Variants in KCNIP4 observed in about 807,000 individuals in gnomAD.
KCNIP4 encodes the protein Kv channel-interacting protein 4.
In KCNIP4, 12 loss-of-function variants were observed where a neutral mutation model predicts 34.0. That is an observed-to-expected ratio of 0.35 (90% confidence interval 0.23 to 0.57). The LOEUF (loss-of-function observed/expected upper bound fraction) is 0.57, where lower values mean the gene tolerates loss of function less well. Ranked by LOEUF, KCNIP4 falls within the 20% of genes least tolerant of loss-of-function variation. KCNIP4 has a pLI of 0.83. For missense variants in KCNIP4, 238 were observed against 311.7 expected (o/e 0.76, Z 1.78); for synonymous variants, 124 against 102.2 (o/e 1.21, Z -1.29).
chr4:21,709,182 A>T (rs1013276758), intron 1 of KCNIP4, among the ~76,000 whole-genome samples: 2 of 152,186 alleles, frequency 1.3e-5, no homozygotes, highest in Non-Finnish European at 2.9e-5. Flanking sequence ...CAACAGCATA[A>T]TAAAAAAAGA....
chr4:21,228,041 C>T (rs1758531937), intron 1 of KCNIP4, among the ~76,000 whole-genome samples: 1 of 152,112 alleles, frequency 6.6e-6, no homozygotes, highest in Non-Finnish European at 1.5e-5. Context: ...GCTGCGATTG[C>T]TTCTAAATGC....
intron 3 of KCNIP4, among the ~76,000 whole-genome samples, chr4:20,833,374 A>G (rs1054688478): frequency 1.3e-5 from 2 of 152,112 alleles, no homozygotes; most frequent in Non-Finnish European, 2.9e-5. Context: ...AGTCCCAGCT[A>G]CTCAGGAGGC....
In KCNIP4 at chr4:21,204,418, C is replaced by T. The variant is rs535206762; in HGVS notation, c.62-321709G>A. Among the ~76,000 whole-genome samples, 10 of 152,182 alleles carry T rather than the reference C, an allele frequency of 6.6e-5. No homozygotes were observed. In the East Asian group the frequency reaches 1.9e-3, roughly 29 times the overall value. ...AAAAAGCTGTAGTTTTTTTGTAGGT[C>T]AAAGGGGCTCTGTAAATCGTAAAGT... On this transcript the variant is annotated intron_variant, in intron 1 of 8. Coordinates refer to ENST00000382152, the MANE Select transcript of KCNIP4 (RefSeq NM_025221.6).
At chr4:21,043,458 T>A (rs1432780874) in intron 1 of KCNIP4, among the ~76,000 whole-genome samples, 1 of 152,084 alleles carries the variant, frequency 6.6e-6, no homozygotes, top group Admixed American at 6.5e-5. Flanking sequence ...GCCTCCCTAG[T>A]AGCTGGGACT....
chr4:21,272,040 A>T (rs1400368796), intron 1 of KCNIP4, among the ~76,000 whole-genome samples: 1 of 152,180 alleles, frequency 6.6e-6, no homozygotes, highest in Non-Finnish European at 1.5e-5. Flanking sequence ...GTCAAGTAGC[A>T]TTTTTATTTG....
intron 1 of KCNIP4, among the ~76,000 whole-genome samples, chr4:21,276,993 T>C (rs767224413): frequency 6.6e-6 from 1 of 152,198 alleles, no homozygotes; most frequent in Admixed American, 6.5e-5. Context: ...ATAAAAGCCA[T>C]ATGCTAAGCA....
At chr4:21,928,127 T>TATAC (rs141651426) in intron 1 of KCNIP4, among the ~76,000 whole-genome samples, 6 of 143,976 alleles carry the variant, frequency 4.2e-5, no homozygotes, top group African/African-American at 1.3e-4. Context: ...TATATATATA[T>TATAC]ACACACACAC....
chr4:20,756,128 T>G (rs1353344167), intron 4 of KCNIP4, among the ~76,000 whole-genome samples: 1 of 151,952 alleles, frequency 6.6e-6, no homozygotes, highest in Non-Finnish European at 1.5e-5. Flanking sequence ...CTACTGTGTT[T>G]ATTTTGGCAG....
chr4:21,908,810 C>T (rs1311414828), intron 1 of KCNIP4, among the ~76,000 whole-genome samples: 1 of 152,146 alleles, frequency 6.6e-6, no homozygotes, highest in East Asian at 1.9e-4. Flanking sequence ...AACTACTGAA[C>T]TACCCTTCAA....
chr4:20,935,925 T>C (rs1731012059), intron 1 of KCNIP4, among the ~76,000 whole-genome samples: 1 of 152,212 alleles, frequency 6.6e-6, no homozygotes, highest in South Asian at 2.1e-4. Context: ...ATCAACAATG[T>C]ATCTGATAGT....
At chr4:21,507,447 G>C (rs1254160725) in intron 1 of KCNIP4, among the ~76,000 whole-genome samples, 1 of 151,918 alleles carries the variant, frequency 6.6e-6, no homozygotes, top group Non-Finnish European at 1.5e-5. Flanking sequence ...AGTAGAGACA[G>C]GGTTTGACCG....
At chr4:21,471,710 C>T (rs1299222653) in intron 1 of KCNIP4, among the ~76,000 whole-genome samples, 2 of 152,132 alleles carry the variant, frequency 1.3e-5, no homozygotes, top group Non-Finnish European at 2.9e-5. Flanking sequence ...CAGATATTCC[C>T]ATTTCACAGG....
At chr4:21,762,404 A>G (rs1718119156) in intron 1 of KCNIP4, among the ~76,000 whole-genome samples, 1 of 152,156 alleles carries the variant, frequency 6.6e-6, no homozygotes, top group African/African-American at 2.4e-5. Flanking sequence ...AAAGAAGATT[A>G]GAAATTGTTG....
chr4:21,683,066 G>A (rs1452511938), intron 1 of KCNIP4, among the ~76,000 whole-genome samples: 1 of 152,202 alleles, frequency 6.6e-6, no homozygotes, highest in Non-Finnish European at 1.5e-5. Flanking sequence ...CAGTATCTGA[G>A]AAGTGCAATA....
chr4:21,246,175 G>A (rs188195502), intron 1 of KCNIP4, among the ~76,000 whole-genome samples: 2 of 152,072 alleles, frequency 1.3e-5, no homozygotes, highest in East Asian at 3.9e-4. Context: ...ACCCAGAAAT[G>A]TGGAGGCCAA....
At chr4:21,408,834 G>A (rs1384614109) in intron 1 of KCNIP4, among the ~76,000 whole-genome samples, 1 of 152,150 alleles carries the variant, frequency 6.6e-6, no homozygotes, top group African/African-American at 2.4e-5. Flanking sequence ...GTTGACACAA[G>A]CTGTATTTCT....
intron 1 of KCNIP4, among the ~76,000 whole-genome samples, chr4:21,523,474 C>A (rs1262734619): frequency 1.3e-5 from 2 of 152,096 alleles, no homozygotes; most frequent in African/African-American, 4.8e-5. Context: ...TTTGAAATGA[C>A]TTAGTCCTCA....
At chr4:21,936,641 T>C (rs1468349805) in intron 1 of KCNIP4, among the ~76,000 whole-genome samples, 1 of 151,952 alleles carries the variant, frequency 6.6e-6, no homozygotes, top group Non-Finnish European at 1.5e-5. Context: ...GAAACTAAAC[T>C]ACAGAGAGGC....
At chr4:20,955,897 G>A (rs1044614126) in intron 1 of KCNIP4, among the ~76,000 whole-genome samples, 47 of 152,226 alleles carry the variant, frequency 3.1e-4, no homozygotes, top group African/African-American at 1.1e-3. Context: ...CAAATGGGAA[G>A]GTTATAGTGC....
Sources: gnomAD v4.1 joint callset for allele counts (sites outside exome capture counted in the v4.1 genomes callset) on GRCh38, gnomAD v4.1.1 for gene constraint, MANE v1.5 for transcripts, NCBI Gene and HGNC (gene_info 2026-07-23, HGNC 2026-07-21) for gene names.